Variants in COG6 observed in about 807,000 individuals in gnomAD.
COG6 encodes component of oligomeric golgi complex 6.
COG6 carries 74 observed loss-of-function variants against 88.8 expected under a neutral mutation model. The observed-to-expected ratio is 0.83, with a 90% confidence interval of 0.69 to 1.01. The LOEUF is 1.01. Ranked by LOEUF, COG6 falls within the 50% of genes least tolerant of loss-of-function variation. The probability of loss-of-function intolerance (pLI) is 0.00; values close to 1 mark genes in which losing one functional copy is unlikely to be tolerated. For synonymous variants in COG6, 286 were observed against 278.7 expected (o/e 1.03, Z -0.26); for missense variants, 800 against 797.9 (o/e 1.00, Z -0.03).
At chr13:39,756,557 T>G (rs139296269), downstream of COG6, among the ~76,000 whole-genome samples, 2,516 of 152,246 alleles carry the variant, frequency 0.017, 94 homozygotes, top group African/African-American at 0.057. Context: ...ACTAAAAATA[T>G]GTACACTGGG....
intron 8 of COG6, 118 bp downstream of exon 8, chr13:39,682,382 C>T (rs1286418977): frequency 4.5e-6 from 3 of 672,568 alleles, no homozygotes; most frequent in Non-Finnish European, 8.0e-6. Context: ...TAATAATTTA[C>T]AACAATACTG....
At chr13:39,765,295 A>G (rs897930874) in intron 18 of COG6, among the ~76,000 whole-genome samples, 1 of 152,146 alleles carries the variant, frequency 6.6e-6, no homozygotes, top group Admixed American at 6.6e-5. Context: ...TGGCAGTTCC[A>G]TTTGCTTTGA....
At chr13:39,702,275 A>G (rs1457356342) in intron 13 of COG6, among the ~76,000 whole-genome samples, 2 of 152,040 alleles carry the variant, frequency 1.3e-5, no homozygotes, top group South Asian at 2.1e-4. Context: ...TCTCCAGAAC[A>G]TGAAAAAATA....
intron 18 of COG6, among the ~76,000 whole-genome samples, chr13:39,737,300 C>T (rs1242896928): frequency 2.6e-5 from 4 of 152,030 alleles, no homozygotes; most frequent in Non-Finnish European, 5.9e-5. Context: ...TTGCCCAAGG[C>T]CCACAGGGAT....
intron 13 of COG6, among the ~76,000 whole-genome samples, chr13:39,714,427 GA>G (rs1878412472): frequency 6.6e-6 from 1 of 151,318 alleles, no homozygotes; most frequent in African/African-American, 2.4e-5. Flanking sequence ...AAATCAGCAA[GA>G]AAAAAACAAA....
At chr13:39,705,579 G>A (rs1877847052) in intron 13 of COG6, among the ~76,000 whole-genome samples, 1 of 151,952 alleles carries the variant, frequency 6.6e-6, no homozygotes, top group South Asian at 2.1e-4. Flanking sequence ...TAATTGCAAG[G>A]ATATAGCCTG....
chr13:39,670,389 T>C (rs544765743), intron 4 of COG6, among the ~76,000 whole-genome samples: 31 of 152,188 alleles, frequency 2.0e-4, no homozygotes, highest in Admixed American at 4.6e-4. Context: ...TGTTTATGTG[T>C]GTGTATTTTT....
At chr13:39,739,134 A>G (rs1052503621) in intron 18 of COG6, among the ~76,000 whole-genome samples, 2 of 152,134 alleles carry the variant, frequency 1.3e-5, no homozygotes, top group Non-Finnish European at 2.9e-5. Flanking sequence ...CAAAAAAGGA[A>G]ATAAGAAATC....
At chr13:39,726,577 T>C (rs1280275941) in intron 17 of COG6, among the ~76,000 whole-genome samples, 1 of 151,982 alleles carries the variant, frequency 6.6e-6, no homozygotes, top group Non-Finnish European at 1.5e-5. Flanking sequence ...GGTGTCTTTG[T>C]ATCTATTATT....
chr13:39,685,575 G>A (rs910936037), intron 8 of COG6, among the ~76,000 whole-genome samples: 1 of 152,066 alleles, frequency 6.6e-6, no homozygotes, highest in Non-Finnish European at 1.5e-5. Flanking sequence ...AAATTATGCT[G>A]TTTATTTTTA....
chr13:39,717,429 TC>T (rs1878587155), intron 13 of COG6, among the ~76,000 whole-genome samples: 1 of 152,154 alleles, frequency 6.6e-6, no homozygotes, highest in South Asian at 2.1e-4. Flanking sequence ...CTTCTGGGCT[TC>T]CCCTTTATAC....
chr13:39,658,612 A>G (rs1874686208), intron 1 of COG6, among the ~76,000 whole-genome samples: 1 of 152,202 alleles, frequency 6.6e-6, no homozygotes, highest in Non-Finnish European at 1.5e-5. Flanking sequence ...AAATCGTATT[A>G]CATTACTCCC....
chr13:39,659,040 A>G (rs944129040), intron 1 of COG6, among the ~76,000 whole-genome samples: 8 of 85,036 alleles, frequency 9.4e-5, no homozygotes, highest in African/African-American at 2.7e-4. Context: ...GTAAGTGCAT[A>G]AAGATTTTTT....
intron 8 of COG6, 57 bp from the exon 9 acceptor site, chr13:39,687,446 C>G (rs558853878): frequency 6.6e-7 from 1 of 1,506,674 alleles, no homozygotes; most frequent in East Asian, 2.3e-5. Flanking sequence ...CGTGAATAGT[C>G]TGATATAGCC....
intron 18 of COG6, among the ~76,000 whole-genome samples, chr13:39,780,611 G>C (rs1343384897): frequency 6.6e-6 from 1 of 152,156 alleles, no homozygotes; most frequent in Non-Finnish European, 1.5e-5. Context: ...TAGGATAAAT[G>C]CTTGTATGTT....
downstream of COG6, among the ~76,000 whole-genome samples, chr13:39,755,413 T>C (rs1880800824): frequency 6.6e-6 from 1 of 152,130 alleles, no homozygotes; most frequent in Admixed American, 6.5e-5. Flanking sequence ...ATCTTGCCTG[T>C]TATGGAACTC....
chr13:39,758,975 G>T lies in COG6; in HGVS notation c.1827-29360G>T, dbSNP rs1452283692. 3.9e-5 allele frequency among the ~76,000 whole-genome samples: 6 copies of T among 152,162 alleles called. No individual in the cohort carries two copies. The East Asian group carries it at 1.2e-3, about 29-fold the overall frequency. ...TCTAATTAGAAGCCAAGCACAAAAG[G>T]CTATATATAATTTGATTCTATTTTA... On this transcript the variant is annotated intron_variant, in intron 18 of 18. Coordinates refer to the COG6 transcript ENST00000416691.
chr13:39,713,260 T>C (rs1369479530), intron 13 of COG6, among the ~76,000 whole-genome samples: 1 of 152,216 alleles, frequency 6.6e-6, no homozygotes. Flanking sequence ...AATTGTTTGT[T>C]TCTAATGGTT....
Position 39,747,890 on chromosome 13 carries a change from G to GTTAAATACTACATTTACAA in COG6, c.1827-3055_1827-3037dup, listed in dbSNP as rs1202775901. ...AGTTTCAACAATACTACATTTACAA[G>GTTAAATACTACATTTACAA]TTAAATACTACATTTACAAGTTACT... On this transcript the variant is annotated intron_variant, in intron 18 of 18. Coordinates refer to ENST00000455146, the MANE Select transcript of COG6 (RefSeq NM_020751.3). 4.6e-5 allele frequency among the ~76,000 whole-genome samples: 7 copies of GTTAAATACTACATTTACAA among 152,154 alleles called. No individual in the cohort carries two copies. The East Asian group carries it at 1.4e-3, about 29-fold the overall frequency.
Sources: allele counts gnomAD v4.1 joint callset (sites outside exome capture counted in the v4.1 genomes callset), GRCh38; gene constraint gnomAD v4.1.1; transcripts MANE v1.5; gene names NCBI Gene and HGNC (gene_info 2026-07-23, HGNC 2026-07-21).